The following TENM4 variants were observed in gnomAD, a reference collection of about 807,000 sequenced individuals.
The protein encoded by TENM4 is teneurin-4.
TENM4 carries 82 observed loss-of-function variants against 243.3 expected under a neutral mutation model. The ratio of observed to expected loss-of-function variants is 0.34; its 90% CI spans 0.28 to 0.40. TENM4 has a LOEUF of 0.40. Among genes scored for constraint, TENM4 ranks in the 10% least tolerant of loss-of-function variants. TENM4 has a pLI of 1.00. For missense variants in TENM4, 3,138 were observed against 3,673.3 expected (o/e 0.85, Z 3.77); for synonymous variants, 1,412 against 1,456.3 (o/e 0.97, Z 0.69).
At chr11:79,337,630 T>C (rs879609428) in intron 1 of TENM4, among the ~76,000 whole-genome samples, 10 of 152,128 alleles carry the variant, frequency 6.6e-5, no homozygotes, top group Non-Finnish European at 1.3e-4. Context: ...CCATAACCTA[T>C]GAAAAAGCAA....
chr11:78,923,693 C>CTTTTTTTTTT (rs1172776088), intron 6 of TENM4, among the ~76,000 whole-genome samples: 1 of 53,652 alleles, frequency 1.9e-5, no homozygotes, highest in Non-Finnish European at 3.2e-5. Context: ...ATGCACCTGG[C>CTTTTTTTTTT]TTTTTTTTTT....
intron 2 of TENM4, among the ~76,000 whole-genome samples, chr11:79,265,496 T>C (rs996594323): frequency 1.3e-5 from 2 of 152,154 alleles, no homozygotes; most frequent in African/African-American, 2.4e-5. Flanking sequence ...GTCGAAATGA[T>C]ATTTTGAATA....
intron 6 of TENM4, among the ~76,000 whole-genome samples, chr11:79,051,122 A>C (rs1261941033): frequency 1.3e-5 from 2 of 152,194 alleles, no homozygotes; most frequent in Non-Finnish European, 2.9e-5. Flanking sequence ...AAATATGAAA[A>C]CACTTTGTAA....
At chr11:78,719,185 A>G (rs987891818) in intron 25 of TENM4, among the ~76,000 whole-genome samples, 13 of 152,156 alleles carry the variant, frequency 8.5e-5, no homozygotes, top group African/African-American at 2.9e-4. Context: ...CTTATGTTAG[A>G]AACTAAAGCT....
intron 2 of TENM4, among the ~76,000 whole-genome samples, chr11:79,242,120 C>T (rs567611073): frequency 2.0e-5 from 3 of 152,152 alleles, no homozygotes; most frequent in Non-Finnish European, 4.4e-5. Flanking sequence ...TGGAAGCAGG[C>T]GATCGCTTCT....
At chr11:78,966,658 G>C (rs778136456) in intron 6 of TENM4, among the ~76,000 whole-genome samples, 1 of 152,184 alleles carries the variant, frequency 6.6e-6, no homozygotes, top group African/African-American at 2.4e-5. Flanking sequence ...GCTTCACTGA[G>C]CCTTGGAGGA....
intron 1 of TENM4, among the ~76,000 whole-genome samples, chr11:79,412,440 C>T (rs1858721112): frequency 1.3e-5 from 2 of 152,172 alleles, no homozygotes; most frequent in Admixed American, 6.5e-5. Context: ...AACCCCATTC[C>T]ACACAGAGTG....
At chr11:79,245,193 A>G (rs1855490664) in intron 2 of TENM4, among the ~76,000 whole-genome samples, 1 of 152,196 alleles carries the variant, frequency 6.6e-6, no homozygotes, top group Non-Finnish European at 1.5e-5. Context: ...AGCCTCTGAG[A>G]GGTAGCAGAA....
intron 2 of TENM4, among the ~76,000 whole-genome samples, chr11:79,237,434 T>C (rs1263874249): frequency 6.6e-6 from 1 of 152,176 alleles, no homozygotes; most frequent in Non-Finnish European, 1.5e-5. Flanking sequence ...CCCAGCACAT[T>C]GGGAGGCCGA....
At chr11:79,355,899 G>A (rs953059456) in intron 1 of TENM4, among the ~76,000 whole-genome samples, 1 of 152,202 alleles carries the variant, frequency 6.6e-6, no homozygotes, top group Non-Finnish European at 1.5e-5. Context: ...TACAGTATTT[G>A]TCAAGATATT....
chr11:79,360,126 G>T (rs1857566642), intron 1 of TENM4, among the ~76,000 whole-genome samples: 1 of 152,134 alleles, frequency 6.6e-6, no homozygotes, highest in South Asian at 2.1e-4. Flanking sequence ...TGTGCAGTTG[G>T]ATAATATTTA....
chr11:79,112,744 G>A (rs538510519), intron 4 of TENM4, among the ~76,000 whole-genome samples: 1 of 152,198 alleles, frequency 6.6e-6, no homozygotes, highest in South Asian at 2.1e-4. Flanking sequence ...ATCTAGCCAG[G>A]CTGGACTCCC....
chr11:79,182,023 A>G (rs1863292027), intron 3 of TENM4, among the ~76,000 whole-genome samples: 1 of 152,060 alleles, frequency 6.6e-6, no homozygotes, highest in African/African-American at 2.4e-5. Context: ...TTCTTCCCAA[A>G]TTTATCTATA....
intron 2 of TENM4, among the ~76,000 whole-genome samples, chr11:79,272,617 T>C (rs985079667): frequency 6.6e-6 from 1 of 152,088 alleles, no homozygotes; most frequent in Non-Finnish European, 1.5e-5. Context: ...AGTGCAAAGC[T>C]GGATCTTTCA....
At chr11:79,173,075 A>G (rs1211586375) in intron 3 of TENM4, among the ~76,000 whole-genome samples, 1 of 152,218 alleles carries the variant, frequency 6.6e-6, no homozygotes, top group Non-Finnish European at 1.5e-5. Flanking sequence ...CTACTGTACC[A>G]AGAATCAAAA....
In TENM4 at chr11:78,702,145, T is replaced by C; in HGVS notation, c.4468A>G (p.Lys1490Glu). 1 of 1,613,960 alleles carries C rather than the reference T, an allele frequency of 6.2e-7. No individual in the cohort carries two copies. Among genetic ancestry groups the C allele is most frequent in the Non-Finnish European group, 8.5e-7 (1 of 1,179,892 alleles). The change falls in exon 28 of 34, where the codon AAG becomes GAG. Residue 1490 changes from lysine to glutamate, a missense_variant. Transcript: ENST00000278550. Reference protein sequence around the residue: ...VLYIAETDEKKINRIRQVTTS... With the variant: ...VLYIAETDEKEINRIRQVTTS... ...GTGACCTGCCTGATGCGGTTGATCT[T>C]TTTCTCATCAGTCTCAGCAATATAC...
At chr11:78,963,547 A>G (rs939024043) in intron 6 of TENM4, among the ~76,000 whole-genome samples, 1 of 152,206 alleles carries the variant, frequency 6.6e-6, no homozygotes, top group Non-Finnish European at 1.5e-5. Flanking sequence ...ACTGAACCTT[A>G]GGAAAAATAA....
chr11:79,065,067 T>C, intron 5 of TENM4, 60 bp from the exon 6 acceptor site: 1 of 1,432,506 alleles, frequency 7.0e-7, no homozygotes, highest in South Asian at 1.5e-5. Flanking sequence ...CGTCTGCCTC[T>C]GCCTGAAGCC....
intron 1 of TENM4, among the ~76,000 whole-genome samples, chr11:79,332,843 A>C (rs1465432851): frequency 6.6e-6 from 1 of 151,876 alleles, no homozygotes; most frequent in Non-Finnish European, 1.5e-5. Context: ...CAGGGATCTC[A>C]CTCCTATGAG....
Sources: gnomAD v4.1 joint callset for allele counts (sites outside exome capture counted in the v4.1 genomes callset) on GRCh38, gnomAD v4.1.1 for gene constraint, MANE v1.5 for transcripts, NCBI Gene and HGNC (gene_info 2026-07-23, HGNC 2026-07-21) for gene names.